Variants in THSD4 observed in about 807,000 individuals in gnomAD.
THSD4 encodes thrombospondin type 1 domain containing 4, also known as thrombospondin type-1 domain-containing protein 4.
A neutral mutation model predicts 119.0 loss-of-function variants in THSD4; 69 were observed. The observed-to-expected ratio is 0.58, with a 90% CI of 0.48 to 0.71. The LOEUF (loss-of-function observed/expected upper bound fraction) is 0.71. Among genes scored for constraint, THSD4 ranks in the 30% least tolerant of loss-of-function variants. The pLI, the probability that THSD4 is intolerant of heterozygous loss-of-function variation, is 0.00. For synonymous variants in THSD4, 524 were observed against 540.4 expected (o/e 0.97, Z 0.42); for missense variants, 1,393 against 1,391.1 (o/e 1.00, Z -0.02).
intron 7 of THSD4, among the ~76,000 whole-genome samples, chr15:71,536,663 T>C (rs1465435964): frequency 1.3e-5 from 2 of 152,232 alleles, no homozygotes; most frequent in Admixed American, 6.5e-5. Context: ...ACATTGTGAC[T>C]GAGTAAATCA....
intron 3 of THSD4, among the ~76,000 whole-genome samples, chr15:71,213,440 C>T (rs939849732): frequency 6.0e-4 from 91 of 152,336 alleles, no homozygotes; most frequent in African/African-American, 2.2e-3. Flanking sequence ...TTTCAATTCT[C>T]CCCGCCTTCA....
intron 3 of THSD4, among the ~76,000 whole-genome samples, chr15:71,169,278 AC>A: frequency 6.6e-6 from 1 of 152,360 alleles, no homozygotes; most frequent in African/African-American, 2.4e-5. Context: ...AAAAAACACT[AC>A]CAGTGTTGGT....
intron 1 of THSD4, among the ~76,000 whole-genome samples, chr15:71,123,155 A>G (rs1029269367): frequency 4.6e-5 from 7 of 152,178 alleles, no homozygotes; most frequent in African/African-American, 1.7e-4. Flanking sequence ...AAGTTATTTC[A>G]GTGTCCACAG....
intron 12 of THSD4, 65 bp from the exon 13 acceptor site, chr15:71,746,773 G>A: frequency 6.6e-7 from 1 of 1,520,756 alleles, no homozygotes; most frequent in East Asian, 2.3e-5. Context: ...GCTGCTGCGG[G>A]CTCACGCTGA....
intron 7 of THSD4, among the ~76,000 whole-genome samples, chr15:71,578,603 C>T (rs2049499728): frequency 6.6e-6 from 1 of 151,980 alleles, no homozygotes. Flanking sequence ...TCCCAAAGTG[C>T]TAGGATTATA....
intron 6 of THSD4, among the ~76,000 whole-genome samples, chr15:71,263,811 A>G (rs552722898): frequency 2.4e-4 from 37 of 152,356 alleles, no homozygotes; most frequent in African/African-American, 8.2e-4. Context: ...CCCTCCCACT[A>G]TGTGCTCAAA....
chr15:71,315,826 A>T (rs1234881633), intron 6 of THSD4, among the ~76,000 whole-genome samples: 1 of 152,204 alleles, frequency 6.6e-6, no homozygotes, highest in Non-Finnish European at 1.5e-5. Flanking sequence ...GGGAAATAGG[A>T]GCACAAGGAA....
intron 4 of THSD4, among the ~76,000 whole-genome samples, chr15:71,229,677 G>T (rs930853725): frequency 6.6e-6 from 1 of 152,100 alleles, no homozygotes; most frequent in Non-Finnish European, 1.5e-5. Flanking sequence ...ATGGCTGACC[G>T]TACACTGTGC....
intron 7 of THSD4, among the ~76,000 whole-genome samples, chr15:71,646,693 G>A (rs1419675932): frequency 6.6e-6 from 1 of 152,162 alleles, no homozygotes; most frequent in Non-Finnish European, 1.5e-5. Context: ...TTAATAAATA[G>A]TGTCACTAAT....
chr15:71,355,844 G>A (rs1041603258), intron 6 of THSD4, among the ~76,000 whole-genome samples: 13 of 146,170 alleles, frequency 8.9e-5, no homozygotes, highest in Non-Finnish European at 1.8e-4. Context: ...TTTTCCAAGT[G>A]TTCTAATTTA....
intron 6 of THSD4, among the ~76,000 whole-genome samples, chr15:71,314,100 T>G (rs750475775): frequency 7.9e-5 from 12 of 152,202 alleles, no homozygotes; most frequent in Non-Finnish European, 1.6e-4. Context: ...AAGAAGTGTT[T>G]CTCAGTGAGT....
chr15:71,545,253 G>A (rs1036255661), intron 7 of THSD4, among the ~76,000 whole-genome samples: 1 of 152,204 alleles, frequency 6.6e-6, no homozygotes, highest in South Asian at 2.1e-4. Context: ...TGAATTTTGT[G>A]ACACAGGGGC....
chr15:71,767,461 AG>A (rs1285532321), intron 16 of THSD4: 6 of 152,194 alleles, frequency 3.9e-5, no homozygotes, highest in African/African-American at 1.4e-4. Context: ...TTTTGGTGAT[AG>A]TGTTGTGCTG....
intron 6 of THSD4, among the ~76,000 whole-genome samples, chr15:71,402,716 C>T (rs898638711): frequency 2.0e-5 from 3 of 152,144 alleles, no homozygotes; most frequent in East Asian, 1.9e-4. Context: ...TCAGGCACAG[C>T]GCAAGCTCCA....
chr15:71,162,786 C>T (rs1262237408), intron 3 of THSD4, among the ~76,000 whole-genome samples: 1 of 151,984 alleles, frequency 6.6e-6, no homozygotes, highest in Non-Finnish European at 1.5e-5. Context: ...TAATGGTGTC[C>T]CATAAGTCCC....
intron 1 of THSD4, among the ~76,000 whole-genome samples, chr15:71,124,375 G>A (rs189736805): frequency 1.2e-4 from 18 of 152,298 alleles, no homozygotes; most frequent in Middle Eastern, 3.4e-3. Flanking sequence ...ATTTGAAAAT[G>A]TGGCAAAAAC....
intron 7 of THSD4, among the ~76,000 whole-genome samples, chr15:71,455,741 G>T (rs990227494): frequency 1.3e-5 from 2 of 152,156 alleles, no homozygotes; most frequent in African/African-American, 4.8e-5. Context: ...CACTGAGGAG[G>T]GGGGTAGAAA....
Position 71,115,873 on chromosome 15 carries a change from AGC to A in THSD4, c.-80+182_-80+183del, listed in dbSNP as rs1172234255. Among the ~76,000 whole-genome samples the A allele has an allele frequency of 6.6e-6, 1 of 151,784 alleles. No homozygotes were observed. The highest frequency in any genetic ancestry group is 1.5e-5 in the Non-Finnish European group (1 of 67,908). On this transcript the variant is annotated intron_variant, in intron 1 of 17. Transcript: ENST00000261862. This position sits in a 1 kb window ranked among gnomAD's most constrained non-coding sequence, Gnocchi z 4.4. The stretch of plus-strand genomic sequence containing the variant: ...TGCGCCGCTCCGGGCTCGGGGAGCC[AGC>A]GCGCGCCTGGTCCGTGCGGACGGCT...
intron 7 of THSD4, among the ~76,000 whole-genome samples, chr15:71,432,872 A>G (rs1308964638): frequency 6.6e-6 from 1 of 152,042 alleles, no homozygotes; most frequent in Non-Finnish European, 1.5e-5. Context: ...AACAAAAACC[A>G]CATCCTTATG....
Sources: gnomAD v4.1 joint callset for allele counts (sites outside exome capture counted in the v4.1 genomes callset) on GRCh38, gnomAD v4.1.1 for gene constraint, Gnocchi (gnomAD v3.1) non-coding constraint, MANE v1.5 for transcripts, NCBI Gene and HGNC (gene_info 2026-07-23, HGNC 2026-07-21) for gene names.